FHIT: variants seen among roughly 807,000 people sequenced by gnomAD.
FHIT encodes bis(5'-adenosyl)-triphosphatase.
In FHIT, 19 loss-of-function variants were observed where a neutral mutation model predicts 17.9. The ratio of observed to expected loss-of-function variants is 1.06; its 90% CI spans 0.74 to 1.56. The LOEUF is 1.56. FHIT is among the 40% of genes most tolerant of loss of function. FHIT has a pLI of 0.00. For synonymous variants in FHIT, 81 were observed against 69.7 expected, an observed-to-expected ratio of 1.16 and a Z score of -0.81; for missense variants, 248 against 189.2, an observed-to-expected ratio of 1.31 and a Z score of -1.82.
At chr3:61,035,678 T>A (rs934335636) in intron 3 of FHIT, among the ~76,000 whole-genome samples, 2 of 152,212 alleles carry the variant, frequency 1.3e-5, no homozygotes, top group Non-Finnish European at 2.9e-5. Context: ...AGGATTAGAC[T>A]AAATTATTCC....
In FHIT at chr3:60,925,804, T is replaced by C. The variant is rs1392062633; in HGVS notation, c.-110-103793A>G. On this transcript the variant is annotated intron_variant, in intron 3 of 9. Coordinates refer to ENST00000492590, the MANE Select transcript of FHIT (RefSeq NM_002012.4). Reference sequence around the variant, plus strand: ...AGTCAAGACCCATCAGTGTGCTGTATTCAGACCCATCTCACATGCAGAGAC... The same window carrying C: ...AGTCAAGACCCATCAGTGTGCTGTACTCAGACCCATCTCACATGCAGAGAC... Among the ~76,000 whole-genome samples, 3 of 151,992 alleles carry C rather than the reference T, an allele frequency of 2.0e-5. No homozygotes were observed. In the East Asian group the frequency reaches 5.8e-4, roughly 29 times the overall value.
At chr3:60,033,101 A>G (rs896868809) in intron 5 of FHIT, among the ~76,000 whole-genome samples, 1 of 152,208 alleles carries the variant, frequency 6.6e-6, no homozygotes, top group African/African-American at 2.4e-5. Flanking sequence ...TAAGGTGTGG[A>G]TCTTTTTTGG....
intron 5 of FHIT, among the ~76,000 whole-genome samples, chr3:60,306,857 GT>G (rs752723535): frequency 1.3e-5 from 2 of 152,084 alleles, no homozygotes; most frequent in Non-Finnish European, 2.9e-5. Context: ...CAGTCATATC[GT>G]TTGAATTATC....
Position 60,124,147 on chromosome 3 carries a change from G to A in FHIT, c.104-109995C>T, listed in dbSNP as rs75380244. ...GGCTCATTGTAGCTTTGAACTCCTG[G>A]GTTCAAGTGATCCTCCTGCCTCACC... On this transcript the variant is annotated intron_variant, in intron 5 of 9. Transcript: ENST00000492590. Among the ~76,000 whole-genome samples the A allele has an allele frequency of 2.3e-3, 338 of 147,486 alleles. 5 individuals are homozygous for A. Among genetic ancestry groups the A allele is most frequent in the African/African-American group, 8.2e-3 (329 of 39,976 alleles).
intron 8 of FHIT, among the ~76,000 whole-genome samples, chr3:59,870,812 G>T (rs1281926615): frequency 6.6e-6 from 1 of 152,040 alleles, no homozygotes; most frequent in Non-Finnish European, 1.5e-5. Context: ...AGGCACATTT[G>T]CATCCTCTAT....
chr3:60,312,969 G>A (rs983983698), intron 5 of FHIT, among the ~76,000 whole-genome samples: 2 of 152,202 alleles, frequency 1.3e-5, no homozygotes, highest in African/African-American at 2.4e-5. Flanking sequence ...ATGAGACCGA[G>A]TGCATCCATA....
intron 4 of FHIT, among the ~76,000 whole-genome samples, chr3:60,629,359 G>C (rs1285934388): frequency 1.3e-5 from 2 of 152,118 alleles, no homozygotes; most frequent in Admixed American, 1.3e-4. Flanking sequence ...TCACATAAGT[G>C]CTTTTGATTT....
In FHIT at chr3:60,552,056, T is replaced by G. The variant is rs552442642; in HGVS notation, c.-17-15077A>C. ...TTTCTGTCTCTGTGGATTTGCCTTT[T>G]CTGGACATTCTATAGAAATGGAGTC... On this transcript the variant is annotated intron_variant, in intron 4 of 9. Coordinates refer to ENST00000492590, the MANE Select transcript of FHIT (RefSeq NM_002012.4). Among the ~76,000 whole-genome samples the G allele has an allele frequency of 8.5e-5, 13 of 152,286 alleles. No homozygotes were observed. In the South Asian group the frequency reaches 2.5e-3, roughly 29 times the overall value.
At position 60,481,750 on chromosome 3, in the gene FHIT, T is replaced by G. The variant is rs745961489; in HGVS notation, c.103+55110A>C. Among the ~76,000 whole-genome samples the G allele has an allele frequency of 3.9e-5, 6 of 152,222 alleles. No homozygotes were observed. In the South Asian group the frequency reaches 8.3e-4, roughly 21 times the overall value. On this transcript the variant is annotated intron_variant, in intron 5 of 9. Coordinates refer to ENST00000492590, the MANE Select transcript of FHIT (RefSeq NM_002012.4). The stretch of plus-strand genomic sequence containing the variant: ...CAAAATATAAAGAACAATGGCACTA[T>G]GAAGAAATTGCATCAAATAGTATGC...
intron 5 of FHIT, among the ~76,000 whole-genome samples, chr3:60,336,813 G>C (rs764795706): frequency 3.3e-5 from 5 of 151,646 alleles, no homozygotes. Context: ...GAAGCAAATA[G>C]GGCAGAGGAA....
chr3:60,489,965 A>C (rs566643868), intron 5 of FHIT, among the ~76,000 whole-genome samples: 1 of 152,296 alleles, frequency 6.6e-6, no homozygotes, highest in African/African-American at 2.4e-5. Context: ...TTCATGTACG[A>C]CATGACAGGC....
At chr3:60,420,868 A>G (rs1206307962) in intron 5 of FHIT, among the ~76,000 whole-genome samples, 2 of 152,128 alleles carry the variant, frequency 1.3e-5, no homozygotes, top group Non-Finnish European at 2.9e-5. Flanking sequence ...GCTTTCATAC[A>G]TCTTTGTTTC....
intron 4 of FHIT, among the ~76,000 whole-genome samples, chr3:60,621,144 A>ATTTTTTTTTTTTTTTTT: frequency 1.1e-5 from 1 of 95,090 alleles, no homozygotes; most frequent in Non-Finnish European, 1.9e-5. Flanking sequence ...TCTACTTTTG[A>ATTTTTTTTTTTTTTTTT]TTTTTTTTTT....
chr3:59,947,708 G>T (rs1706884892), intron 7 of FHIT, among the ~76,000 whole-genome samples: 1 of 152,138 alleles, frequency 6.6e-6, no homozygotes, highest in Non-Finnish European at 1.5e-5. Flanking sequence ...AGAACCTGCT[G>T]TGCTGGAGGG....
At chr3:60,980,714 A>G (rs7372683) in intron 3 of FHIT, among the ~76,000 whole-genome samples, 42,068 of 152,098 alleles carry the variant, frequency 0.28, 6,940 homozygotes, top group East Asian at 0.64. Context: ...ACACAGGAAA[A>G]TGGGAGAAAT....
chr3:60,089,042 C>A (rs1238757325), intron 5 of FHIT, among the ~76,000 whole-genome samples: 1 of 152,138 alleles, frequency 6.6e-6, no homozygotes, highest in Non-Finnish European at 1.5e-5. Context: ...TGGAGGACCC[C>A]AACGCTAATG....
At chr3:60,412,406 G>A (rs1299984462) in intron 5 of FHIT, among the ~76,000 whole-genome samples, 2 of 152,020 alleles carry the variant, frequency 1.3e-5, no homozygotes, top group African/African-American at 4.8e-5. Context: ...GGTCCCTAGA[G>A]ATTCACAATC....
intron 5 of FHIT, among the ~76,000 whole-genome samples, chr3:60,482,940 T>C (rs553126080): frequency 6.6e-6 from 1 of 151,370 alleles, no homozygotes; most frequent in East Asian, 2.0e-4. Flanking sequence ...GCTAGATTAA[T>C]AAAGAAGAAA....
At chr3:61,231,624 T>A (rs2040104453) in intron 1 of FHIT, among the ~76,000 whole-genome samples, 2 of 152,356 alleles carry the variant, frequency 1.3e-5, no homozygotes, top group Admixed American at 6.5e-5. Flanking sequence ...ACAGTTACTA[T>A]GAACCATTTG....
Sources: gnomAD v4.1 joint callset for allele counts (sites outside exome capture counted in the v4.1 genomes callset) on GRCh38, gnomAD v4.1.1 for gene constraint, MANE v1.5 for transcripts, NCBI Gene and HGNC (gene_info 2026-07-23, HGNC 2026-07-21) for gene names.